Variants in VAV2 observed in about 807,000 individuals in gnomAD.
The protein encoded by VAV2 is guanine nucleotide exchange factor VAV2.
Under a neutral mutation model 132.5 loss-of-function variants are expected in VAV2, and 67 were observed. That is an observed-to-expected ratio of 0.51 (90% CI 0.42 to 0.62). The LOEUF is 0.62. Among genes scored for constraint, VAV2 ranks in the 20% least tolerant of loss-of-function variants. The pLI, the probability that VAV2 is intolerant of heterozygous loss-of-function variation, is 0.00. For synonymous variants in VAV2, 492 were observed against 443.5 expected (o/e 1.11, Z -1.37); for missense variants, 938 against 1,153.6 (o/e 0.81, Z 2.71).
At chr9:133,967,933 CA>C (rs34152925) in intron 1 of VAV2, among the ~76,000 whole-genome samples, 27,162 of 70,616 alleles carry the variant, frequency 0.38, 2,041 homozygotes, top group Non-Finnish European at 0.41. Flanking sequence ...ACTCTATAAC[CA>C]AAAAAAAAAA....
chr9:133,834,379 G>A lies in VAV2; in HGVS notation c.381-39C>T, dbSNP rs373337123. 42 of 1,595,986 alleles carry A rather than the reference G, an allele frequency of 2.6e-5. No homozygotes were observed. Among genetic ancestry groups the A allele is most frequent in the Admixed American group, 5.2e-5 (3 of 58,100 alleles). ...GGCGAGAGGGAGGTGAGCAGGTCCC[G>A]GCACTGCCGGCCAGTGGGACCCCAG... On this transcript the variant is annotated intron_variant, in intron 3 of 29. Coordinates refer to ENST00000371850, the MANE Select transcript of VAV2 (RefSeq NM_001134398.2). The surrounding 1 kb of genome is among the most constrained non-coding windows in gnomAD (Gnocchi z 5.9).
At chr9:133,820,323 C>CTTTTTT (rs1410223095) in intron 4 of VAV2, among the ~76,000 whole-genome samples, 41 of 149,058 alleles carry the variant, frequency 2.8e-4, no homozygotes, top group African/African-American at 4.0e-4. Context: ...GTTTCTTTTT[C>CTTTTTT]TTTTTCTTTT....
chr9:133,854,424 G>A (rs1837312723), intron 3 of VAV2, among the ~76,000 whole-genome samples: 1 of 152,250 alleles, frequency 6.6e-6, no homozygotes, highest in Non-Finnish European at 1.5e-5. Context: ...CTGGACGAAT[G>A]CAAAAGAGGA....
At position 133,779,918 on chromosome 9, in the gene VAV2, C is replaced by G. The variant is rs1348939836; in HGVS notation, c.1762G>C (p.Gly588Arg). The G allele has an allele frequency of 1.1e-5, 17 of 1,612,060 alleles. No homozygotes were observed. The highest frequency in any genetic ancestry group is 1.6e-4 in the Middle Eastern group (1 of 6,076). The change falls in exon 21 of 30, where the codon GGT (glycine) becomes CGT (arginine). Residue 588 changes from glycine (G) to arginine (R), a missense_variant and splice_region_variant. By Grantham distance (125) the Gly-to-Arg change is moderately radical (BLOSUM62 -2). Transcript: ENST00000371850. ...GAGGGCCCAGGTCCAGAAGACTCAC[C>G]TGGTCCCGCTCCGGAGGCGTCCTGT... ...ADLDASGAGP[G>R]PKMVAMQNYH...
At chr9:133,917,712 C>T (rs539017640) in intron 2 of VAV2, among the ~76,000 whole-genome samples, 26 of 152,174 alleles carry the variant, frequency 1.7e-4, no homozygotes, top group East Asian at 9.6e-4. Flanking sequence ...TGGCCCAGGC[C>T]GGGCATCCAG....
chr9:133,826,800 C>T lies in VAV2; in HGVS notation c.449+7472G>A, dbSNP rs2131748240. On this transcript the variant is annotated intron_variant, in intron 4 of 29. Transcript: ENST00000371850. This position sits in a 1 kb window ranked among gnomAD's most constrained non-coding sequence, Gnocchi z 4.2. ...TTCTCGGGGACCTCTGACCTGCCGG[C>T]ACCACGGGAGGGAGGGCAGAGGCAG... Among the ~76,000 whole-genome samples the T allele has an allele frequency of 6.6e-6, 1 of 152,330 alleles. No homozygotes were observed. The highest frequency in any genetic ancestry group is 2.4e-5 in the African/African-American group (1 of 41,578).
intron 1 of VAV2, among the ~76,000 whole-genome samples, chr9:133,967,860 G>C (rs541641933): frequency 6.9e-6 from 1 of 145,910 alleles, no homozygotes; most frequent in Non-Finnish European, 1.5e-5. Context: ...TTGAACCCAC[G>C]AGGTGGAGGT....
In VAV2 at chr9:133,824,004, C is replaced by T. The variant is rs1240965109; in HGVS notation, c.449+10268G>A. 5.3e-5 allele frequency among the ~76,000 whole-genome samples: 8 copies of T among 152,026 alleles called. No individual in the cohort carries two copies. The highest frequency in any genetic ancestry group is 7.4e-5 in the Non-Finnish European group (5 of 67,998). On this transcript the variant is annotated intron_variant, in intron 4 of 29. Transcript: ENST00000371850. The surrounding 1 kb of genome is among the most constrained non-coding windows in gnomAD (Gnocchi z 5.2). ...TGGTGGGGGTGGGGGAGCAGGGTTT[C>T]GAGGTCACTGAAGCCCCCAGCCACG...
At chr9:133,942,911 G>A (rs1841222897) in intron 1 of VAV2, among the ~76,000 whole-genome samples, 1 of 152,192 alleles carries the variant, frequency 6.6e-6, no homozygotes, top group South Asian at 2.1e-4. Context: ...GCAGAGACCG[G>A]GACAAAGCCT....
chr9:133,775,112 C>A, intron 24 of VAV2, 61 bp from the exon 25 acceptor site: 2 of 1,418,202 alleles, frequency 1.4e-6, no homozygotes, highest in South Asian at 1.3e-5. Context: ...GAGGGGTGCC[C>A]AGCCCTCCGT....
intron 8 of VAV2, among the ~76,000 whole-genome samples, chr9:133,806,718 A>C (rs1187614647): frequency 6.6e-6 from 1 of 152,230 alleles, no homozygotes; most frequent in Non-Finnish European, 1.5e-5. Context: ...CCAGGGAGGC[A>C]GGACACAGCC....
intron 1 of VAV2, among the ~76,000 whole-genome samples, chr9:133,979,932 C>T (rs1054510274): frequency 2.6e-5 from 4 of 152,226 alleles, no homozygotes; most frequent in Admixed American, 2.6e-4. Flanking sequence ...TGCCATCTTC[C>T]TCTCTCCATT....
At chr9:133,812,912 C>T (rs926150368) in intron 4 of VAV2, among the ~76,000 whole-genome samples, 6 of 152,232 alleles carry the variant, frequency 3.9e-5, no homozygotes, top group African/African-American at 1.2e-4. Flanking sequence ...GTGATCTGGA[C>T]TCTTGCAGAC....
intron 29 of VAV2, among the ~76,000 whole-genome samples, chr9:133,764,638 T>C (rs531857300): frequency 5.9e-5 from 9 of 151,940 alleles, no homozygotes; most frequent in African/African-American, 2.2e-4. Flanking sequence ...AAGAATCCAA[T>C]AGAGGGATTT....
At chr9:133,911,453 T>A (rs1456804597) in intron 2 of VAV2, among the ~76,000 whole-genome samples, 1 of 152,206 alleles carries the variant, frequency 6.6e-6, no homozygotes, top group Non-Finnish European at 1.5e-5. Flanking sequence ...GGAGGTATGA[T>A]CCACAGACGA....
chr9:133,776,386 T>A (rs1025957720), intron 23 of VAV2, among the ~76,000 whole-genome samples: 5 of 113,776 alleles, frequency 4.4e-5, no homozygotes, highest in African/African-American at 7.8e-5. Context: ...AGCCAGTGGA[T>A]GTGAGACACC....
Position 133,825,159 on chromosome 9 carries a change from C to T in VAV2, c.449+9113G>A, listed in dbSNP as rs372362914. 2.5e-4 allele frequency among the ~76,000 whole-genome samples: 31 copies of T among 126,436 alleles called. No homozygotes were observed. The East Asian group carries it at 6.1e-3, about 25-fold the overall frequency. The allele number at this position is 126,436 out of a possible 152,430, so 82.9% of individuals were successfully genotyped here. ...AGGCAGCTCCAAGGAGACAATGCCA[C>T]GGTCCAGCCAGGTGTCCTTGTCGAT... is the stretch of plus-strand genomic sequence containing the variant. On this transcript the variant is annotated intron_variant, in intron 4 of 29. Coordinates refer to ENST00000371850, the MANE Select transcript of VAV2 (RefSeq NM_001134398.2).
intron 1 of VAV2, among the ~76,000 whole-genome samples, chr9:133,948,786 T>A (rs1457661919): frequency 6.6e-6 from 1 of 152,150 alleles, no homozygotes; most frequent in Non-Finnish European, 1.5e-5. Flanking sequence ...GCCCTTGACG[T>A]TCCTCTCTGC....
At position 133,992,145 on chromosome 9, in the gene VAV2, T is replaced by C; in HGVS notation, c.134A>G (p.Gln45Arg). The C allele has an allele frequency of 4.4e-6, 7 of 1,594,522 alleles. No homozygotes were observed. Among genetic ancestry groups the C allele is most frequent in the Non-Finnish European group, 6.0e-6 (7 of 1,171,086 alleles). Reference protein sequence around the residue: ...QALRDGVLLCQLLHNLSPGSI... With the variant: ...QALRDGVLLCRLLHNLSPGSI... ...GCCGGGGGAGAGGTTGTGCAGCAGC[T>C]GGCACAGAAGGACCCCGTCGCGCAG... Residue 45 changes from glutamine to arginine, a missense_variant, in exon 1 of 30, where the codon CAG becomes CGG. Physicochemically the swap from Gln to Arg is conservative, Grantham distance 43. Coordinates refer to ENST00000371850, the MANE Select transcript of VAV2 (RefSeq NM_001134398.2). This position sits in a 1 kb window ranked among gnomAD's most constrained non-coding sequence, Gnocchi z 5.5.
Sources: gnomAD v4.1 joint callset for allele counts (sites outside exome capture counted in the v4.1 genomes callset) on GRCh38, gnomAD v4.1.1 for gene constraint, Gnocchi (gnomAD v3.1) non-coding constraint, MANE v1.5 for transcripts, NCBI Gene and HGNC (gene_info 2026-07-23, HGNC 2026-07-21) for gene names.